AAGAB: variants seen among roughly 807,000 people sequenced by gnomAD.
The protein encoded by AAGAB is alpha- and gamma-adaptin-binding protein p34.
AAGAB carries 38 observed loss-of-function variants against 44.1 expected under a neutral mutation model. That is an observed-to-expected ratio of 0.86 (90% CI 0.67 to 1.13). The LOEUF (loss-of-function observed/expected upper bound fraction) is 1.13. Ranked by LOEUF, AAGAB falls within the 50% of genes most tolerant of loss-of-function variation. The pLI is 0.00. For synonymous variants in AAGAB, 131 were observed against 131.8 expected (o/e 0.99, Z 0.04); for missense variants, 450 against 373.8 (o/e 1.20, Z -1.68).
chr15:67,253,306 T>C (rs2140406217), intron 1 of AAGAB, among the ~76,000 whole-genome samples: 1 of 143,776 alleles, frequency 7.0e-6, no homozygotes, highest in East Asian at 2.0e-4. Context: ...CACACACCTG[T>C]AGTCCCAGAT....
At chr15:67,235,847 T>C in intron 4 of AAGAB, 132 bp downstream of exon 4, 1 of 676,600 alleles carries the variant, frequency 1.5e-6, no homozygotes, top group Non-Finnish European at 2.5e-6. Context: ...ATTACATCAA[T>C]GGATTTTGCT....
chr15:67,225,669 C>T (rs1466994610), intron 5 of AAGAB, among the ~76,000 whole-genome samples: 6 of 152,128 alleles, frequency 3.9e-5, no homozygotes, highest in Non-Finnish European at 7.4e-5. Context: ...TCGTGTCGGG[C>T]TTTTTTCACT....
Position 67,239,632 on chromosome 15 carries a change from C to G in AAGAB, c.74-2812G>C, listed in dbSNP as rs113098998. On this transcript the variant is annotated intron_variant, in intron 1 of 9. Transcript: ENST00000261880. ...TTAACATTTTATGTCTAATCAAACA[C>G]TTTCTTCAAGGCTGCATATGGACTT... 4.6e-3 allele frequency among the ~76,000 whole-genome samples: 700 copies of G among 152,196 alleles called. 7 individuals are homozygous for G. The highest frequency in any genetic ancestry group is 0.016 in the African/African-American group (679 of 41,534).
rs753019024 is a variant in AAGAB, at chr15:67,236,499, C to T, written c.270G>A (p.Ser90=). The T allele has an allele frequency of 7.4e-5, 119 of 1,613,396 alleles. No individual in the cohort carries two copies. Among genetic ancestry groups the T allele is most frequent in the Non-Finnish European group, 8.9e-5 (105 of 1,179,780 alleles). ...FVVYFDSTQK[S]GLDSVSSWLP... ...GCCATGAGGAGACACTATCAAGGCCCGATTTCTAGAGGGAACAAAAAATAT... is the reference window on the plus strand; with the variant it reads ...GCCATGAGGAGACACTATCAAGGCCTGATTTCTAGAGGGAACAAAAAATAT... Residue 90 remains serine (S), a synonymous_variant, in exon 3 of 10, where the codon TCG becomes TCA. Coordinates refer to ENST00000261880, the MANE Select transcript of AAGAB (RefSeq NM_024666.5).
intron 6 of AAGAB, among the ~76,000 whole-genome samples, chr15:67,209,171 A>C (rs946524087): frequency 6.6e-6 from 1 of 152,254 alleles, no homozygotes; most frequent in African/African-American, 2.4e-5. Context: ...GTACTAAAAA[A>C]GCACCATGAA....
At chr15:67,204,629 A>G (rs751259755) in intron 7 of AAGAB, among the ~76,000 whole-genome samples, 10 of 152,170 alleles carry the variant, frequency 6.6e-5, no homozygotes, top group Non-Finnish European at 1.2e-4. Flanking sequence ...AACAGAAATG[A>G]TATGAAAAAA....
chr15:67,244,544 T>G (rs1964675865), intron 1 of AAGAB, among the ~76,000 whole-genome samples: 1 of 152,200 alleles, frequency 6.6e-6, no homozygotes, highest in African/African-American at 2.4e-5. Context: ...GGCTCATACC[T>G]GTAATCCCAG....
intron 1 of AAGAB, 74 bp from the exon 2 acceptor site, chr15:67,236,894 C>A: frequency 8.4e-7 from 1 of 1,195,006 alleles, no homozygotes; most frequent in Non-Finnish European, 1.2e-6. Flanking sequence ...CAGTCAGATA[C>A]CAGATAAAGC....
chr15:67,237,213 AT>A (rs969480661), intron 1 of AAGAB, among the ~76,000 whole-genome samples: 4 of 152,184 alleles, frequency 2.6e-5, no homozygotes, highest in African/African-American at 9.6e-5. Flanking sequence ...ATTTGTAACT[AT>A]TTTGTACTTA....
At chr15:67,248,592 T>C (rs906162305) in intron 1 of AAGAB, among the ~76,000 whole-genome samples, 1 of 152,236 alleles carries the variant, frequency 6.6e-6, no homozygotes, top group Non-Finnish European at 1.5e-5. Context: ...AGCAGCACAA[T>C]AGCCTCTACC....
upstream of AAGAB, chr15:67,255,147 A>T: frequency 1.6e-6 from 1 of 612,440 alleles, no homozygotes; most frequent in Non-Finnish European, 3.0e-6. Context: ...CCTGTAGGTT[A>T]CGCCCCAGAA....
intron 1 of AAGAB, among the ~76,000 whole-genome samples, chr15:67,250,159 ACTTT>A (rs897566527): frequency 1.2e-4 from 18 of 152,016 alleles, no homozygotes; most frequent in African/African-American, 2.4e-4. Context: ...TGGACCATAC[ACTTT>A]CTTTCTTTCT....
intron 8 of AAGAB, 145 bp downstream of exon 8, chr15:67,203,899 C>A: frequency 1.6e-6 from 1 of 607,766 alleles, no homozygotes; most frequent in Non-Finnish European, 2.8e-6. Flanking sequence ...TTTTTTTTTA[C>A]CAAGTCCCAG....
chr15:67,210,002 TCA>T (rs1300440258), intron 5 of AAGAB, among the ~76,000 whole-genome samples: 8 of 152,080 alleles, frequency 5.3e-5, no homozygotes, highest in African/African-American at 1.9e-4. Flanking sequence ...TTTAAAAAAA[TCA>T]CAGACTATTA....
intron 5 of AAGAB, among the ~76,000 whole-genome samples, chr15:67,231,560 T>C (rs1288358739): frequency 3.9e-5 from 6 of 152,192 alleles, no homozygotes. Flanking sequence ...CTTATAATTT[T>C]GGAGGTACTT....
At chr15:67,249,934 G>A (rs767760843) in intron 1 of AAGAB, among the ~76,000 whole-genome samples, 1 of 152,156 alleles carries the variant, frequency 6.6e-6, no homozygotes, top group Non-Finnish European at 1.5e-5. Flanking sequence ...ACATATAAAT[G>A]CTTGCTATGA....
intron 1 of AAGAB, among the ~76,000 whole-genome samples, chr15:67,243,553 A>G (rs1377894658): frequency 1.3e-5 from 2 of 152,200 alleles, no homozygotes; most frequent in Non-Finnish European, 2.9e-5. Flanking sequence ...TCTAGTGAGT[A>G]GAGGTCAAAA....
rs115726500 is a variant in AAGAB at position 67,233,807 on chromosome 15, G to A, written c.452-1910C>T. On this transcript the variant is annotated intron_variant, in intron 4 of 9. Transcript: ENST00000261880. ...CTACACTGAAAACTCCTTGACGGCAGGAATCTTGTCTTACTGAGTTCATAT... is the reference window on the plus strand; with the variant it reads ...CTACACTGAAAACTCCTTGACGGCAAGAATCTTGTCTTACTGAGTTCATAT... 5.1e-3 allele frequency among the ~76,000 whole-genome samples: 782 copies of A among 152,254 alleles called. 6 individuals carry two copies. The highest frequency in any genetic ancestry group is 0.018 in the African/African-American group (737 of 41,538).
chr15:67,210,525 A>G (rs1162767552), intron 5 of AAGAB, among the ~76,000 whole-genome samples: 1 of 152,110 alleles, frequency 6.6e-6, no homozygotes, highest in East Asian at 1.9e-4. Context: ...CAAAAAAAAA[A>G]AAAAGAAAAG....
Sources: gnomAD v4.1 joint callset for allele counts (sites outside exome capture counted in the v4.1 genomes callset) on GRCh38, gnomAD v4.1.1 for gene constraint, MANE v1.5 for transcripts, NCBI Gene and HGNC (gene_info 2026-07-23, HGNC 2026-07-21) for gene names.